The following XPOT variants were observed in gnomAD, a reference collection of about 807,000 sequenced individuals.
The protein encoded by XPOT is exportin for tRNA.
Under a neutral mutation model 128.2 loss-of-function variants are expected in XPOT, and 34 were observed. The ratio of observed to expected loss-of-function variants is 0.27; its 90% CI spans 0.20 to 0.35. XPOT has a LOEUF of 0.35. XPOT is among the 10% of genes least tolerant of loss of function. The pLI is 1.00. For synonymous variants in XPOT, 348 were observed against 394.3 expected, an observed-to-expected ratio of 0.88 and a Z score of 1.39; for missense variants, 838 against 1,125.3, an observed-to-expected ratio of 0.74 and a Z score of 3.65.
chr12:64,416,500 A>G (rs1000791628), intron 3 of XPOT, among the ~76,000 whole-genome samples, 198 bp from the exon 4 acceptor site: 3 of 152,218 alleles, frequency 2.0e-5, no homozygotes, highest in African/African-American at 7.2e-5. Flanking sequence ...AATTTTAAAT[A>G]TTGTGTAATA....
chr12:64,418,781 C>T lies in XPOT; in HGVS notation c.271-95C>T. 3.0e-6 allele frequency: 3 copies of T among 1,015,452 alleles called. No individual in the cohort carries two copies. The East Asian group carries it at 7.5e-5, about 25-fold the overall frequency. The allele number at this position is 1,015,452 out of a possible 1,614,324, so 62.9% of individuals were successfully genotyped here. A position where few individuals can be genotyped will look rare whatever the true frequency, so the allele number is the denominator to read the frequency against. On this transcript the variant is annotated intron_variant, in intron 5 of 24. Coordinates refer to ENST00000332707, the MANE Select transcript of XPOT (RefSeq NM_007235.6). The stretch of plus-strand genomic sequence containing the variant: ...GCATAGTTTATCTGGGCCATGTTGA[C>T]ATTTGATGAAACTTTGCCTTTTAAT...
At chr12:64,410,331 T>G (rs1193322221) in intron 2 of XPOT, among the ~76,000 whole-genome samples, 7 of 152,244 alleles carry the variant, frequency 4.6e-5, no homozygotes, top group African/African-American at 9.6e-5. Flanking sequence ...CAGATCTTTA[T>G]GCAACATCAG....
chr12:64,447,533 C>T (rs2040375741), intron 24 of XPOT, among the ~76,000 whole-genome samples: 1 of 151,734 alleles, frequency 6.6e-6, no homozygotes, highest in Middle Eastern at 3.4e-3. Context: ...GGCTGGAGTG[C>T]AGTGGCACGA....
Position 64,421,226 on chromosome 12 carries a change from T to C in XPOT, c.844-9T>C, listed in dbSNP as rs368524653. ...GTTTTAAACAGAGATGTGTCTTGATTGCTTATAGGAAGAAGATGTTGACTT... is the reference window on the plus strand; with the variant it reads ...GTTTTAAACAGAGATGTGTCTTGATCGCTTATAGGAAGAAGATGTTGACTT... On this transcript the variant is annotated splice_polypyrimidine_tract_variant and intron_variant, in intron 8 of 24. Transcript: ENST00000332707. 3.8e-5 allele frequency: 61 copies of C among 1,605,910 alleles called. No individual in the cohort carries two copies. The Admixed American group carries it at 6.7e-4, about 18-fold the overall frequency.
intron 15 of XPOT, among the ~76,000 whole-genome samples, chr12:64,427,839 T>C (rs992606182): frequency 1.3e-5 from 2 of 152,162 alleles, no homozygotes; most frequent in Admixed American, 1.3e-4. Flanking sequence ...CTACTCCTTA[T>C]TAGGTTTATA....
rs180890605 is a variant in XPOT at position 64,406,084 on chromosome 12, T to C, written c.-75+1280T>C. Among the ~76,000 whole-genome samples, 64 of 152,340 alleles carry C rather than the reference T, an allele frequency of 4.2e-4. No homozygotes were observed. The East Asian group carries it at 0.011, about 27-fold the overall frequency. On this transcript the variant is annotated intron_variant, in intron 1 of 24. Transcript: ENST00000332707. ...GACTTGACCAAGCTTAAGCACTTTTTCTTTTTTTTGACACAGTGTCTCACT... is the reference window on the plus strand; with the variant it reads ...GACTTGACCAAGCTTAAGCACTTTTCCTTTTTTTTGACACAGTGTCTCACT...
At chr12:64,445,597 G>A (rs867629053) in intron 24 of XPOT, among the ~76,000 whole-genome samples, 4 of 151,902 alleles carry the variant, frequency 2.6e-5, no homozygotes, top group Admixed American at 2.0e-4. Context: ...AAAGTGTCAC[G>A]TGTTTATTTG....
At position 64,433,614 on chromosome 12, in the gene XPOT, A is replaced by C. The variant is rs1244002485; in HGVS notation, c.2452+11A>C. On this transcript the variant is annotated intron_variant, in intron 19 of 24. Transcript: ENST00000332707. The stretch of plus-strand genomic sequence containing the variant: ...TTATAGCAAATCAAGGTGGGAACAC[A>C]TGCCATATCTAATTTGTCTGCTTAA... 1 of 1,578,194 alleles carries C rather than the reference A, an allele frequency of 6.3e-7. No homozygotes were observed. Among genetic ancestry groups the C allele is most frequent in the Non-Finnish European group, 8.6e-7 (1 of 1,156,662 alleles).
At chr12:64,430,932 CT>C (rs957827588) in intron 17 of XPOT, among the ~76,000 whole-genome samples, 2 of 151,736 alleles carry the variant, frequency 1.3e-5, no homozygotes, top group Admixed American at 1.3e-4. Context: ...GGATTTTTCT[CT>C]TTTTTTTCTT....
At chr12:64,411,736 G>A (rs997952125) in intron 2 of XPOT, among the ~76,000 whole-genome samples, 9 of 152,164 alleles carry the variant, frequency 5.9e-5, no homozygotes, top group African/African-American at 2.2e-4. Context: ...GTGGTGAGAA[G>A]AATGACTGTC....
chr12:64,419,973 T>C (rs1283968172), intron 6 of XPOT, 97 bp from the exon 7 acceptor site: 2 of 1,106,586 alleles, frequency 1.8e-6, no homozygotes, highest in Admixed American at 3.2e-5. Flanking sequence ...AGGGAATGTG[T>C]TAACAAGTCT....
chr12:64,411,388 C>T (rs1247866259), intron 2 of XPOT, among the ~76,000 whole-genome samples: 1 of 152,080 alleles, frequency 6.6e-6, no homozygotes, highest in Non-Finnish European at 1.5e-5. Flanking sequence ...TGAAATCTTT[C>T]ATTTCTTAAG....
intron 4 of XPOT, among the ~76,000 whole-genome samples, 171 bp downstream of exon 4, chr12:64,416,925 T>G (rs936639858): frequency 6.6e-6 from 1 of 152,182 alleles, no homozygotes; most frequent in Admixed American, 6.6e-5. Context: ...TTAAAAGTGC[T>G]GAGTTGGCCA....
chr12:64,415,565 G>A (rs2040079811), intron 3 of XPOT, among the ~76,000 whole-genome samples: 1 of 151,886 alleles, frequency 6.6e-6, no homozygotes, highest in African/African-American at 2.4e-5. Flanking sequence ...CTTTTTGGTG[G>A]AGACAGGGTT....
Position 64,449,675 on chromosome 12 carries a change from CTAAAT to C in XPOT, c.*1546_*1550del, listed in dbSNP as rs1354798387. ...TACACCATATAATAAAAATACTTAA[CTAAAT>C]TGACAGTTATAAAAATAAATCAGTG... On this transcript the variant is annotated 3_prime_UTR_variant, in exon 25 of 25. Transcript: ENST00000332707. The C allele has an allele frequency of 6.6e-6, 1 of 152,128 alleles. No homozygotes were observed. The highest frequency in any genetic ancestry group is 2.4e-5 in the African/African-American group (1 of 41,412). The allele number at this position is 152,128 out of a possible 1,614,324, so 9.4% of individuals were successfully genotyped here. A position where few individuals can be genotyped will look rare whatever the true frequency, so the allele number is the denominator to read the frequency against.
At position 64,433,192 on chromosome 12, in the gene XPOT, C is replaced by A. The variant is rs561639899; in HGVS notation, c.2263-222C>A. ...AACTCCTGACCTCAGGTGACTCACC[C>A]GCCTTAGCCTCCCAAAGTGCTGGGA... On this transcript the variant is annotated intron_variant, in intron 18 of 24. Coordinates refer to ENST00000332707, the MANE Select transcript of XPOT (RefSeq NM_007235.6). 1.1e-4 allele frequency among the ~76,000 whole-genome samples: 17 copies of A among 152,284 alleles called. No individual in the cohort carries two copies. In the South Asian group the frequency reaches 3.5e-3, roughly 32 times the overall value.
At chr12:64,405,650 G>C (rs2039972391) in intron 1 of XPOT, among the ~76,000 whole-genome samples, 1 of 152,108 alleles carries the variant, frequency 6.6e-6, no homozygotes, top group Admixed American at 6.5e-5. Flanking sequence ...ACGGAGTCTC[G>C]CTCGGTCGCC....
At chr12:64,421,620 T>TAA in intron 9 of XPOT, 149 bp downstream of exon 9, 5 of 525,246 alleles carry the variant, frequency 9.5e-6, no homozygotes, top group Admixed American at 3.5e-5. Flanking sequence ...ATTTCCATCT[T>TAA]AAAAAAAAAA....
At chr12:64,442,459 G>A (rs555645843) in intron 23 of XPOT, 2 of 152,456 alleles carry the variant, frequency 1.3e-5, no homozygotes, top group African/African-American at 4.8e-5. Context: ...CTGTGACCAA[G>A]GTAACCCCAT....
Sources: allele counts gnomAD v4.1 joint callset (sites outside exome capture counted in the v4.1 genomes callset), GRCh38; gene constraint gnomAD v4.1.1; transcripts MANE v1.5; gene names NCBI Gene and HGNC (gene_info 2026-07-23, HGNC 2026-07-21).